The following PLCE1 variants were observed in gnomAD, a reference collection of about 807,000 sequenced individuals.
The protein encoded by PLCE1 is phospholipase C epsilon 1.
Under a neutral mutation model 242.8 loss-of-function variants are expected in PLCE1, and 119 were observed. The observed-to-expected ratio is 0.49, with a 90% CI of 0.42 to 0.57. The LOEUF (loss-of-function observed/expected upper bound fraction) is 0.57, where lower values mean the gene tolerates loss of function less well. PLCE1 is among the 20% of genes least tolerant of loss of function. The probability of loss-of-function intolerance (pLI) is 0.00; values close to 1 mark genes in which losing one functional copy is unlikely to be tolerated. For synonymous variants in PLCE1, 945 were observed against 1,017.4 expected (o/e 0.93, Z 1.35); for missense variants, 2,441 against 2,788.8 (o/e 0.88, Z 2.81).
intron 11 of PLCE1, among the ~76,000 whole-genome samples, chr10:94,255,257 C>A (rs1319740426): frequency 6.6e-6 from 1 of 152,204 alleles, no homozygotes; most frequent in African/African-American, 2.4e-5. Flanking sequence ...AGGTCAGTAG[C>A]AGTAACAAAA....
intron 1 of PLCE1, among the ~76,000 whole-genome samples, chr10:94,022,044 G>A (rs1294369912): frequency 6.6e-6 from 1 of 151,902 alleles, no homozygotes; most frequent in East Asian, 1.9e-4. Context: ...GAAGATTCTA[G>A]CCACTAGAGT....
intron 3 of PLCE1, among the ~76,000 whole-genome samples, chr10:94,169,464 G>T (rs574032092): frequency 2.5e-4 from 38 of 152,264 alleles, no homozygotes; most frequent in African/African-American, 8.9e-4. Flanking sequence ...TCACAAACCT[G>T]GGTGGGCCTT....
chr10:94,055,192 CAG>C (rs1159480860), intron 2 of PLCE1, among the ~76,000 whole-genome samples: 2 of 151,718 alleles, frequency 1.3e-5, no homozygotes, highest in East Asian at 3.9e-4. Flanking sequence ...TCCTATGTGA[CAG>C]AGTTGTTCTA....
intron 2 of PLCE1, among the ~76,000 whole-genome samples, chr10:94,115,122 A>T (rs1367823666): frequency 6.6e-6 from 1 of 152,196 alleles, no homozygotes; most frequent in Non-Finnish European, 1.5e-5. Flanking sequence ...GCTGCATAGT[A>T]TTCCATGGTG....
chr10:94,093,934 CTTTTTTT>C (rs398046178), intron 2 of PLCE1, among the ~76,000 whole-genome samples: 14 of 79,186 alleles, frequency 1.8e-4, no homozygotes, highest in South Asian at 1.6e-3. Flanking sequence ...ATCGGTATTT[CTTTTTTT>C]TTTTTTTTTT....
intron 4 of PLCE1, among the ~76,000 whole-genome samples, chr10:94,202,801 A>G (rs2049026257): frequency 6.6e-6 from 1 of 152,188 alleles, no homozygotes; most frequent in Non-Finnish European, 1.5e-5. Flanking sequence ...GAAAACTGAC[A>G]TCTCTGCAGC....
intron 3 of PLCE1, among the ~76,000 whole-genome samples, chr10:94,144,085 T>G (rs1380387006): frequency 6.6e-6 from 1 of 152,188 alleles, no homozygotes; most frequent in East Asian, 1.9e-4. Context: ...AGAGAGAGTA[T>G]AACAAGTTTC....
chr10:94,227,202 A>G, intron 4 of PLCE1, 104 bp from the exon 5 acceptor site: 2 of 1,097,646 alleles, frequency 1.8e-6, no homozygotes, highest in Non-Finnish European at 2.8e-6. Context: ...TTCATTTCCT[A>G]ATACCAAATT....
intron 4 of PLCE1, among the ~76,000 whole-genome samples, chr10:94,193,730 C>G (rs1463051236): frequency 6.6e-6 from 1 of 152,226 alleles, no homozygotes; most frequent in Non-Finnish European, 1.5e-5. Context: ...CAGTGCTTAG[C>G]TCTGTAACCA....
intron 3 of PLCE1, among the ~76,000 whole-genome samples, chr10:94,135,332 A>T (rs2046735613): frequency 6.6e-6 from 1 of 152,226 alleles, no homozygotes; most frequent in Non-Finnish European, 1.5e-5. Context: ...CTGTAGGATC[A>T]GCATATTGGT....
At chr10:94,291,959 C>A (rs866286838) in intron 22 of PLCE1, among the ~76,000 whole-genome samples, 2 of 152,142 alleles carry the variant, frequency 1.3e-5, no homozygotes, top group African/African-American at 4.8e-5. Context: ...AGGCTCTTCA[C>A]TGAAGTACCC....
intron 8 of PLCE1, among the ~76,000 whole-genome samples, chr10:94,247,439 G>A (rs1412771927): frequency 2.0e-5 from 3 of 152,064 alleles, no homozygotes; most frequent in Admixed American, 1.3e-4. Context: ...AGGTTTCAAT[G>A]GAAAGCATTG....
chr10:94,127,585 G>C (rs1455146712), intron 2 of PLCE1, among the ~76,000 whole-genome samples: 1 of 152,174 alleles, frequency 6.6e-6, no homozygotes, highest in Non-Finnish European at 1.5e-5. Flanking sequence ...TTCCAGCCCA[G>C]TGTCAGTGAA....
At chr10:94,200,591 C>T (rs2048959791) in intron 4 of PLCE1, among the ~76,000 whole-genome samples, 1 of 152,116 alleles carries the variant, frequency 6.6e-6, no homozygotes, top group Admixed American at 6.5e-5. Flanking sequence ...ATGAATACTC[C>T]ACCCTCTAGA....
intron 1 of PLCE1, among the ~76,000 whole-genome samples, chr10:94,011,337 A>G (rs896470699): frequency 6.6e-6 from 1 of 152,172 alleles, no homozygotes; most frequent in Non-Finnish European, 1.5e-5. Context: ...CACTAAGGGG[A>G]TGGCATTAAA....
chr10:94,090,577 T>G (rs79016143), intron 2 of PLCE1, among the ~76,000 whole-genome samples: 6,769 of 152,174 alleles, frequency 0.044, 193 homozygotes, highest in Non-Finnish European at 0.068. Context: ...ATGTCTGTGG[T>G]CTTTGTGGTA....
At chr10:94,217,939 C>CT (rs141342503) in intron 4 of PLCE1, among the ~76,000 whole-genome samples, 5,955 of 143,978 alleles carry the variant, frequency 0.041, 405 homozygotes, top group African/African-American at 0.14. Flanking sequence ...ATGCTTCTTA[C>CT]TTTTTTTTTT....
Position 94,316,615 on chromosome 10 carries a change from T to C in PLCE1, c.6201T>C (p.Phe2067=). Residue 2067 remains phenylalanine (F), a synonymous_variant, in exon 29 of 33, where the codon TTT becomes TTC. Coordinates refer to ENST00000371380, the MANE Select transcript of PLCE1 (RefSeq NM_016341.4). ...ATTTTTTGATGGAAGAAAAATATTT[T>C]ATATCTAAAGAAAAGAATGAATGTA... ...TDYFLMEEKY[F]ISKEKNECRK... is the part of the protein sequence containing the mutation. 1 of 1,608,544 alleles carries C rather than the reference T, an allele frequency of 6.2e-7. No individual in the cohort carries two copies. Among genetic ancestry groups the C allele is most frequent in the South Asian group, 1.1e-5 (1 of 90,860 alleles).
intron 2 of PLCE1, among the ~76,000 whole-genome samples, chr10:94,051,902 C>T (rs771840075): frequency 1.3e-5 from 2 of 152,276 alleles, no homozygotes; most frequent in Non-Finnish European, 2.9e-5. Context: ...AAAGAAAAAT[C>T]GGTGTATAAA....
Sources: allele counts gnomAD v4.1 joint callset (sites outside exome capture counted in the v4.1 genomes callset), GRCh38; gene constraint gnomAD v4.1.1; transcripts MANE v1.5; gene names NCBI Gene and HGNC (gene_info 2026-07-23, HGNC 2026-07-21).